BMAL1: variants seen among roughly 807,000 people sequenced by gnomAD.
BMAL1 encodes the protein basic helix-loop-helix ARNT-like protein 1.
the BMAL1 span, among the ~76,000 whole-genome samples, chr11:13,332,268 T>C: frequency 6.6e-6 from 1 of 152,186 alleles, no homozygotes; most frequent in African/African-American, 2.4e-5. Flanking sequence ...CTAGCCAGAC[T>C]GGACAGTGGT....
the BMAL1 span, among the ~76,000 whole-genome samples, chr11:13,324,480 G>A: frequency 4.6e-5 from 7 of 152,170 alleles, no homozygotes; most frequent in East Asian, 9.6e-4. Context: ...TTCACTCCAC[G>A]CTGGCCTCTA....
the BMAL1 span, among the ~76,000 whole-genome samples, chr11:13,383,321 C>T: frequency 6.6e-6 from 1 of 152,172 alleles, no homozygotes; most frequent in Non-Finnish European, 1.5e-5. Flanking sequence ...AGAGGGGGCA[C>T]AAGATCCTTT....
chr11:13,337,001 G>C, the BMAL1 span, among the ~76,000 whole-genome samples: 1 of 152,164 alleles, frequency 6.6e-6, no homozygotes, highest in African/African-American at 2.4e-5. Context: ...TTATAGTTCT[G>C]CTTAGTTCAA....
chr11:13,301,726 G>A, the BMAL1 span, among the ~76,000 whole-genome samples: 1 of 152,206 alleles, frequency 6.6e-6, no homozygotes, highest in Non-Finnish European at 1.5e-5. Context: ...TGTAGTAATG[G>A]TCATAGTAGC....
chr11:13,325,288 A>T, the BMAL1 span, among the ~76,000 whole-genome samples: 1 of 152,272 alleles, frequency 6.6e-6, no homozygotes, highest in African/African-American at 2.4e-5. Flanking sequence ...AGAATAGTCA[A>T]GATGGTGGTG....
the BMAL1 span, among the ~76,000 whole-genome samples, chr11:13,284,189 T>C: frequency 4.8e-5 from 3 of 62,870 alleles, no homozygotes; most frequent in Non-Finnish European, 7.7e-5. Context: ...TGTATATATA[T>C]ATATGTGTGT....
At chr11:13,298,288 T>A in the BMAL1 span, among the ~76,000 whole-genome samples, 1 of 152,172 alleles carries the variant, frequency 6.6e-6, no homozygotes. Context: ...TGCTTCCTGT[T>A]TAAGCTCTCC....
chr11:13,358,696 A>T, the BMAL1 span: 1 of 1,242,388 alleles, frequency 8.0e-7, no homozygotes, highest in Non-Finnish European at 1.1e-6. Flanking sequence ...ACTTGCAATT[A>T]TGTAGCCTTC....
At chr11:13,380,921 T>G in the BMAL1 span, 2 of 418,596 alleles carry the variant, frequency 4.8e-6, no homozygotes, top group East Asian at 3.9e-5. Flanking sequence ...GTAAATAAAG[T>G]TTTATTGGAA....
chr11:13,373,151 G>T, the BMAL1 span, among the ~76,000 whole-genome samples: 7 of 152,288 alleles, frequency 4.6e-5, no homozygotes, highest in African/African-American at 1.7e-4. Flanking sequence ...AGAAAGTCTT[G>T]TTGGACAGCG....
At chr11:13,386,774 G>C in the BMAL1 span, 3 of 1,611,452 alleles carry the variant, frequency 1.9e-6, no homozygotes, top group Non-Finnish European at 2.5e-6. Flanking sequence ...ATGTTGCTTT[G>C]GCAACAGCTA....
the BMAL1 span, chr11:13,309,930 C>G: frequency 1.3e-5 from 2 of 152,728 alleles, no homozygotes; most frequent in South Asian, 2.1e-4. Flanking sequence ...TATGGTAAAT[C>G]AAAACTTATT....
chr11:13,280,847 A>T, the BMAL1 span, among the ~76,000 whole-genome samples: 1 of 152,286 alleles, frequency 6.6e-6, no homozygotes, highest in South Asian at 2.1e-4. Context: ...TCGTCCCCTC[A>T]TCTCCTCCCA....
the BMAL1 span, chr11:13,369,774 A>G: frequency 1.2e-6 from 2 of 1,608,150 alleles, no homozygotes; most frequent in Non-Finnish European, 8.5e-7. Context: ...AAAGGTAACA[A>G]TTTAACAGTC....
At chr11:13,386,585 T>G in the BMAL1 span, 8 of 1,602,504 alleles carry the variant, frequency 5.0e-6, no homozygotes, top group Middle Eastern at 3.3e-4. Context: ...AGTCTTTATC[T>G]CCTCCCACAG....
At chr11:13,302,266 G>A in the BMAL1 span, among the ~76,000 whole-genome samples, 7 of 152,134 alleles carry the variant, frequency 4.6e-5, no homozygotes, top group South Asian at 2.1e-4. Flanking sequence ...TGAGGGCCTC[G>A]GGAGAGGGGC....
the BMAL1 span, among the ~76,000 whole-genome samples, chr11:13,308,049 G>A: frequency 1.3e-5 from 2 of 152,134 alleles, no homozygotes; most frequent in Non-Finnish European, 2.9e-5. Flanking sequence ...GGAGACTGTC[G>A]CAGCAATCTA....
chr11:13,299,524 T>G, the BMAL1 span, among the ~76,000 whole-genome samples: 3 of 151,940 alleles, frequency 2.0e-5, no homozygotes, highest in African/African-American at 4.8e-5. Flanking sequence ...TTTGGGGCCA[T>G]GGGGGGAAAA....
the BMAL1 span, among the ~76,000 whole-genome samples, chr11:13,292,115 G>C: frequency 6.6e-6 from 1 of 152,156 alleles, no homozygotes; most frequent in African/African-American, 2.4e-5. Context: ...GCTGGAGGCT[G>C]ATTTGCTTTT....
Sources: gnomAD v4.1 joint callset for allele counts (sites outside exome capture counted in the v4.1 genomes callset) on GRCh38, gnomAD v4.1.1 for gene constraint, MANE v1.5 for transcripts, NCBI Gene and HGNC (gene_info 2026-07-23, HGNC 2026-07-21) for gene names.